The following BCAS4 variants were observed in gnomAD, a reference collection of about 807,000 sequenced individuals.
The protein encoded by BCAS4 is breast carcinoma-amplified sequence 4.
In BCAS4, 9 loss-of-function variants were observed where a neutral mutation model predicts 15.7. The ratio of observed to expected loss-of-function variants is 0.57; its 90% confidence interval spans 0.34 to 1.00. BCAS4 has a LOEUF of 1.00. Ranked by LOEUF, BCAS4 falls within the 50% of genes least tolerant of loss-of-function variation. The pLI, the probability that BCAS4 is intolerant of heterozygous loss-of-function variation, is 0.02. For synonymous variants in BCAS4, 101 were observed against 99.5 expected (o/e 1.02, Z -0.09); for missense variants, 225 against 239.1 (o/e 0.94, Z 0.39).
At chr20:50,831,227 G>A (rs977499466) in intron 3 of BCAS4, among the ~76,000 whole-genome samples, 6 of 151,988 alleles carry the variant, frequency 3.9e-5, no homozygotes, top group Non-Finnish European at 5.9e-5. Context: ...CCAAGAGTTC[G>A]AAACCACCCT....
chr20:50,844,479 G>C (rs1214471194), intron 4 of BCAS4, among the ~76,000 whole-genome samples: 2 of 152,088 alleles, frequency 1.3e-5, no homozygotes, highest in Non-Finnish European at 2.9e-5. Context: ...AGACACATGG[G>C]GGGCAGAAAG....
At chr20:50,805,713 G>A (rs1008880671) in intron 1 of BCAS4, among the ~76,000 whole-genome samples, 2 of 152,170 alleles carry the variant, frequency 1.3e-5, no homozygotes, top group African/African-American at 2.4e-5. Flanking sequence ...GGTGGTTCAT[G>A]CCTGTAATCC....
chr20:50,811,576 A>G (rs2088063270), intron 1 of BCAS4, among the ~76,000 whole-genome samples: 1 of 151,596 alleles, frequency 6.6e-6, no homozygotes, highest in African/African-American at 2.4e-5. Context: ...TCACGAATCT[A>G]TTTCTTTCTG....
chr20:50,850,785 TC>T (rs199604123), intron 4 of BCAS4, among the ~76,000 whole-genome samples: 2 of 151,734 alleles, frequency 1.3e-5, no homozygotes, highest in Admixed American at 6.6e-5. Context: ...TGTTTGAGTC[TC>T]CCCCCCGGTA....
chr20:50,827,488 T>C (rs1408709362), intron 2 of BCAS4, among the ~76,000 whole-genome samples: 2 of 152,186 alleles, frequency 1.3e-5, no homozygotes, highest in Non-Finnish European at 1.5e-5. Context: ...TCTGCACATA[T>C]TAGGTTTGTG....
chr20:50,861,725 G>T (rs570908152), intron 4 of BCAS4, among the ~76,000 whole-genome samples: 1 of 151,814 alleles, frequency 6.6e-6, no homozygotes, highest in South Asian at 2.1e-4. Context: ...CAGCCTGGCC[G>T]CTCATCCCTG....
At chr20:50,831,375 T>C (rs2088341472) in intron 3 of BCAS4, among the ~76,000 whole-genome samples, 1 of 151,714 alleles carries the variant, frequency 6.6e-6, no homozygotes, top group East Asian at 1.9e-4. Context: ...ATTGCACCAC[T>C]GCACTCCAGC....
chr20:50,840,861 C>T lies in BCAS4; in HGVS notation c.265-905C>T, dbSNP rs1182736993. 6 of 836,900 alleles carry T rather than the reference C, an allele frequency of 7.2e-6. No individual in the cohort carries two copies. In the East Asian group the frequency reaches 1.5e-4, roughly 21 times the overall value. The allele number at this position is 836,900 out of a possible 1,614,324, so 51.8% of individuals were successfully genotyped here. On this transcript the variant is annotated intron_variant, in intron 3 of 4. Transcript: ENST00000371608. ...TTTATTTTTTTGAGACGGAGTTTCA[C>T]TCTTGTCGCGCAGGCTGGACTGCAA...
At chr20:50,874,741 AG>A (rs1050746592) in intron 4 of BCAS4, among the ~76,000 whole-genome samples, 3 of 151,576 alleles carry the variant, frequency 2.0e-5, no homozygotes, top group African/African-American at 7.3e-5. Flanking sequence ...GTGCAGGGGG[AG>A]GGGAGGGAAG....
At chr20:50,852,236 C>T (rs192902740) in intron 4 of BCAS4, among the ~76,000 whole-genome samples, 1 of 152,292 alleles carries the variant, frequency 6.6e-6, no homozygotes, top group Admixed American at 6.5e-5. Flanking sequence ...CAAACACTCA[C>T]TGAGACCAGG....
At chr20:50,879,375 G>C (rs1980072402), downstream of BCAS4, 2 of 152,236 alleles carry the variant, frequency 1.3e-5, no homozygotes, top group African/African-American at 4.8e-5. Context: ...AAATTAGCCA[G>C]GTGCTGTGGT....
At chr20:50,861,807 C>CT (rs1979086443) in intron 4 of BCAS4, among the ~76,000 whole-genome samples, 1 of 137,394 alleles carries the variant, frequency 7.3e-6, no homozygotes, top group East Asian at 2.2e-4. Context: ...ATTTTCTTTT[C>CT]TTTTTCTTTC....
chr20:50,882,393 ATGT>A, the BCAS4 span: 153 of 152,348 alleles, frequency 1.0e-3, no homozygotes, highest in African/African-American at 3.4e-3. Context: ...GAATACTATA[ATGT>A]TGTAAAAATG....
chr20:50,816,791 ATTTTTTT>A (rs35600563), intron 1 of BCAS4, among the ~76,000 whole-genome samples: 48 of 80,922 alleles, frequency 5.9e-4, no homozygotes, highest in African/African-American at 1.2e-3. Context: ...TGCCTGGCTA[ATTTTTTT>A]TTTTTTTTTT....
intron 4 of BCAS4, among the ~76,000 whole-genome samples, chr20:50,852,416 C>T (rs759020218): frequency 1.3e-5 from 2 of 152,040 alleles, no homozygotes; most frequent in Non-Finnish European, 2.9e-5. Flanking sequence ...TAGTTACACT[C>T]TGTTGCCCAG....
chr20:50,876,919 G>A lies in BCAS4; in HGVS notation c.*311G>A. On this transcript the variant is annotated 3_prime_UTR_variant, in exon 5 of 5. Coordinates refer to ENST00000371608, the MANE Select transcript of BCAS4 (RefSeq NM_198799.4). Reference sequence around the variant, plus strand: ...GGAGAAGCAGTTGGAACCCACGTGTGGTGATGCCTCCCACATCGGCCTGCT... The same window carrying A: ...GGAGAAGCAGTTGGAACCCACGTGTAGTGATGCCTCCCACATCGGCCTGCT... 1 of 207,648 alleles carries A rather than the reference G, an allele frequency of 4.8e-6. No individual in the cohort carries two copies. The highest frequency in any genetic ancestry group is 9.7e-6 in the Non-Finnish European group (1 of 103,574). 12.9% of individuals were successfully genotyped at this position (207,648 alleles called of 1,614,324 possible). A position where few individuals can be genotyped will look rare whatever the true frequency, so the allele number is the denominator to read the frequency against.
At chr20:50,795,006 G>C (rs1404109836), upstream of BCAS4, 3 of 1,353,336 alleles carry the variant, frequency 2.2e-6, no homozygotes, top group Non-Finnish European at 2.9e-6. Context: ...GCAGCGGACC[G>C]GGGGCGGGGC....
chr20:50,875,970 G>A (rs1300333963), intron 4 of BCAS4: 5 of 455,874 alleles, frequency 1.1e-5, no homozygotes, highest in East Asian at 1.4e-4. Flanking sequence ...TTTCTTCCCC[G>A]AGACATTGTC....
At chr20:50,813,677 T>TTA (rs2088100362) in intron 1 of BCAS4, among the ~76,000 whole-genome samples, 1 of 140,282 alleles carries the variant, frequency 7.1e-6, no homozygotes, top group African/African-American at 2.7e-5. Flanking sequence ...GGAGGACCTT[T>TTA]TTTTTTTTTT....
Sources: gnomAD v4.1 joint callset for allele counts (sites outside exome capture counted in the v4.1 genomes callset) on GRCh38, gnomAD v4.1.1 for gene constraint, MANE v1.5 for transcripts, NCBI Gene and HGNC (gene_info 2026-07-23, HGNC 2026-07-21) for gene names.